The following MACROD2 variants were observed in gnomAD, a reference collection of about 807,000 sequenced individuals.
MACROD2 encodes the protein mono-ADP ribosylhydrolase 2.
MACROD2 carries 36 observed loss-of-function variants against 70.4 expected under a neutral mutation model. That is an observed-to-expected ratio of 0.51 (90% confidence interval 0.39 to 0.68). The LOEUF (loss-of-function observed/expected upper bound fraction) is 0.68. MACROD2 is among the 30% of genes least tolerant of loss of function. MACROD2 has a pLI of 0.00. For missense variants in MACROD2, 496 were observed against 538.4 expected, an observed-to-expected ratio of 0.92 and a Z score of 0.78; for synonymous variants, 172 against 178.8, an observed-to-expected ratio of 0.96 and a Z score of 0.30.
At chr20:13,996,070 T>G (rs543698447) in intron 1 of MACROD2, among the ~76,000 whole-genome samples, 3 of 152,158 alleles carry the variant, frequency 2.0e-5, no homozygotes, top group Admixed American at 2.0e-4. Flanking sequence ...CCCCGTCACC[T>G]TCTCCCGAGG....
intron 10 of MACROD2, among the ~76,000 whole-genome samples, chr20:15,923,738 CA>C (rs2065447478): frequency 6.6e-6 from 1 of 151,072 alleles, no homozygotes; most frequent in Non-Finnish European, 1.5e-5. Context: ...AGATCTTAGA[CA>C]AGAGCTTCCT....
chr20:14,233,565 C>T (rs527747778), intron 3 of MACROD2, among the ~76,000 whole-genome samples: 5 of 150,438 alleles, frequency 3.3e-5, no homozygotes, highest in East Asian at 2.0e-4. Context: ...GGTGTGGTGG[C>T]GGGTGCCTGT....
At chr20:15,008,143 G>A (rs564446372) in intron 5 of MACROD2, among the ~76,000 whole-genome samples, 2 of 152,226 alleles carry the variant, frequency 1.3e-5, no homozygotes, top group African/African-American at 4.8e-5. Context: ...TTGATATGTA[G>A]CCTATTTTAC....
chr20:14,364,604 C>G (rs1206809798), intron 3 of MACROD2, among the ~76,000 whole-genome samples: 1 of 152,190 alleles, frequency 6.6e-6, no homozygotes, highest in Middle Eastern at 3.2e-3. Flanking sequence ...CCTATTTTCC[C>G]TGGTCCCTTC....
chr20:15,286,716 G>T (rs1173497984), intron 6 of MACROD2, among the ~76,000 whole-genome samples: 1 of 152,148 alleles, frequency 6.6e-6, no homozygotes, highest in African/African-American at 2.4e-5. Flanking sequence ...AGAAGACACA[G>T]TTCATCAGAT....
chr20:14,988,824 A>G (rs1289723920), intron 5 of MACROD2, among the ~76,000 whole-genome samples: 4 of 152,220 alleles, frequency 2.6e-5, no homozygotes, highest in South Asian at 4.1e-4. Context: ...AAGGATTTAC[A>G]TATGAGTTTT....
At chr20:15,099,237 A>T (rs1020481486) in intron 5 of MACROD2, among the ~76,000 whole-genome samples, 1 of 152,200 alleles carries the variant, frequency 6.6e-6, no homozygotes, top group African/African-American at 2.4e-5. Flanking sequence ...CAGCATTCAT[A>T]TATTGAAGCC....
At chr20:14,590,874 G>T (rs1312542231) in intron 4 of MACROD2, among the ~76,000 whole-genome samples, 1 of 152,106 alleles carries the variant, frequency 6.6e-6, no homozygotes, top group Admixed American at 6.6e-5. Flanking sequence ...AATGGTGGAT[G>T]ATTGTTACAA....
intron 3 of MACROD2, among the ~76,000 whole-genome samples, chr20:14,365,951 T>C (rs1869235594): frequency 6.6e-6 from 1 of 152,208 alleles, no homozygotes; most frequent in African/African-American, 2.4e-5. Flanking sequence ...TCATTTATTG[T>C]GGTTGAGGAA....
intron 8 of MACROD2, among the ~76,000 whole-genome samples, chr20:15,710,246 C>T (rs1350742093): frequency 6.7e-6 from 1 of 150,014 alleles, no homozygotes; most frequent in Non-Finnish European, 1.5e-5. Context: ...AAAAGTGAAC[C>T]CTTATACACT....
intron 3 of MACROD2, among the ~76,000 whole-genome samples, chr20:14,214,473 C>G (rs1338667700): frequency 1.3e-5 from 2 of 151,890 alleles, no homozygotes; most frequent in Non-Finnish European, 2.9e-5. Flanking sequence ...TGGGCATAAT[C>G]TTTTCTCTGC....
intron 8 of MACROD2, among the ~76,000 whole-genome samples, chr20:15,597,657 A>G (rs2048763509): frequency 6.6e-6 from 1 of 152,260 alleles, no homozygotes; most frequent in Non-Finnish European, 1.5e-5. Flanking sequence ...AAAATGCTTC[A>G]TAAAAATTAA....
chr20:16,049,121 A>G (rs954573617), intron 17 of MACROD2, among the ~76,000 whole-genome samples: 3 of 152,054 alleles, frequency 2.0e-5, no homozygotes, highest in African/African-American at 7.2e-5. Context: ...ATTTATGGAG[A>G]TAGAAATCAG....
At chr20:15,301,596 T>C (rs957159837) in intron 6 of MACROD2, among the ~76,000 whole-genome samples, 1 of 139,248 alleles carries the variant, frequency 7.2e-6, no homozygotes, top group Non-Finnish European at 1.6e-5. Context: ...GTGGCCTTTT[T>C]TTTTTTTTTT....
chr20:14,387,774 G>A (rs1462717829), intron 3 of MACROD2, among the ~76,000 whole-genome samples: 1 of 152,180 alleles, frequency 6.6e-6, no homozygotes, highest in Non-Finnish European at 1.5e-5. Context: ...AATTTGCCAT[G>A]CCTCTTTTTC....
intron 10 of MACROD2, among the ~76,000 whole-genome samples, chr20:15,922,861 A>C (rs533650100): frequency 2.0e-5 from 3 of 152,352 alleles, no homozygotes; most frequent in South Asian, 2.1e-4. Context: ...GAGCTTCCCC[A>C]AAGTTTTGCT....
chr20:15,915,845 T>A (rs1190062294), intron 10 of MACROD2, among the ~76,000 whole-genome samples: 1 of 151,858 alleles, frequency 6.6e-6, no homozygotes, highest in Non-Finnish European at 1.5e-5. Flanking sequence ...AGTGCCATGG[T>A]GAAGAGTTTG....
At chr20:15,678,504 C>G (rs1054644200) in intron 8 of MACROD2, among the ~76,000 whole-genome samples, 2 of 151,954 alleles carry the variant, frequency 1.3e-5, no homozygotes. Context: ...GGACTACAGG[C>G]GCCCGCCACC....
chr20:14,410,309 T>C (rs1050003514), intron 3 of MACROD2, among the ~76,000 whole-genome samples: 3 of 151,788 alleles, frequency 2.0e-5, no homozygotes, highest in African/African-American at 7.3e-5. Flanking sequence ...CTGGGGTTTG[T>C]TGTACAAATG....
Sources: gnomAD v4.1 joint callset for allele counts (sites outside exome capture counted in the v4.1 genomes callset) on GRCh38, gnomAD v4.1.1 for gene constraint, MANE v1.5 for transcripts, NCBI Gene and HGNC (gene_info 2026-07-23, HGNC 2026-07-21) for gene names.